The following LAMB4 variants were observed in gnomAD, a reference collection of about 807,000 sequenced individuals.
LAMB4 encodes laminin subunit beta-4.
Under a neutral mutation model 199.2 loss-of-function variants are expected in LAMB4, and 196 were observed. The observed-to-expected ratio is 0.98, with a 90% CI of 0.88 to 1.11. The LOEUF is 1.11. Ranked by LOEUF, LAMB4 falls within the 50% of genes least tolerant of loss-of-function variation. The pLI is 0.00. For synonymous variants in LAMB4, 744 were observed against 770.6 expected (o/e 0.97, Z 0.57); for missense variants, 2,080 against 2,171.2 (o/e 0.96, Z 0.83).
intron 10 of LAMB4, 94 bp from the exon 11 acceptor site, chr7:108,098,676 G>T: frequency 9.5e-7 from 1 of 1,048,816 alleles, no homozygotes; most frequent in Non-Finnish European, 1.3e-6. Context: ...TAACTATCTT[G>T]CTTTGTTTAA....
rs769709242 is a variant in LAMB4, at chr7:108,037,575, C to G, written c.4492G>C (p.Asp1498His). Reference sequence around the variant, plus strand: ...ACACCATTCGCAACCTTCTCGATGTCTTCTGGAGGCACGTTTTCCTCTTAA... The same window carrying G: ...ACACCATTCGCAACCTTCTCGATGTGTTCTGGAGGCACGTTTTCCTCTTAA... ...FLLEENVPPE[D>H]IEKVANGVLD... The change falls in exon 30 of 34, where the codon GAC becomes CAC. Residue 1498 changes from aspartate to histidine, a missense_variant. Physicochemically the swap from Asp to His is moderately conservative, Grantham distance 81. Coordinates refer to ENST00000388781, the MANE Select transcript of LAMB4 (RefSeq NM_007356.3). The G allele has an allele frequency of 2.1e-5, 34 of 1,614,060 alleles. 2 individuals are homozygous for G. The South Asian group carries it at 3.5e-4, about 17-fold the overall frequency.
chr7:108,120,288 A>C (rs7809669), intron 2 of LAMB4, among the ~76,000 whole-genome samples: 13,103 of 152,224 alleles, frequency 0.086, 1,828 homozygotes, highest in African/African-American at 0.29. Context: ...ATTGAAAAAA[A>C]CGTGTTATTT....
chr7:108,061,311 G>A (rs533737374), intron 23 of LAMB4, among the ~76,000 whole-genome samples: 1 of 152,286 alleles, frequency 6.6e-6, no homozygotes, highest in South Asian at 2.1e-4. Context: ...CAATATTCAT[G>A]CATAGTGACA....
chr7:108,030,984 T>C lies in LAMB4; in HGVS notation c.4819-5A>G. The C allele has an allele frequency of 6.2e-7, 1 of 1,612,180 alleles. No homozygotes were observed. Among genetic ancestry groups the C allele is most frequent in the Non-Finnish European group, 8.5e-7 (1 of 1,178,960 alleles). On this transcript the variant is annotated splice_polypyrimidine_tract_variant and splice_region_variant and intron_variant, in intron 31 of 33. Coordinates refer to ENST00000388781, the MANE Select transcript of LAMB4 (RefSeq NM_007356.3). Reference sequence around the variant, plus strand: ...TTCCCTGGTTTGATTTTCAGCCTGTTGTTGATTTAAAGACCAAAAAGGGAA... The same window carrying C: ...TTCCCTGGTTTGATTTTCAGCCTGTCGTTGATTTAAAGACCAAAAAGGGAA...
intron 1 of LAMB4, among the ~76,000 whole-genome samples, chr7:108,124,126 C>T (rs60243503): frequency 0.043 from 6,469 of 152,202 alleles, 182 homozygotes; most frequent in Admixed American, 0.062. Context: ...GCTGATTCTC[C>T]CACCTCAGCC....
chr7:108,126,216 T>C (rs2038772847), intron 1 of LAMB4, among the ~76,000 whole-genome samples: 1 of 152,198 alleles, frequency 6.6e-6, no homozygotes, highest in Non-Finnish European at 1.5e-5. Context: ...TTATTTTTAA[T>C]TGTGGTAGAA....
chr7:108,038,750 C>T (rs139065332), intron 29 of LAMB4, among the ~76,000 whole-genome samples: 100 of 152,162 alleles, frequency 6.6e-4, no homozygotes, highest in South Asian at 4.6e-3. Flanking sequence ...CCAGTGTGGC[C>T]CAGGGAAGCC....
chr7:108,109,197 A>T lies in LAMB4; in HGVS notation c.376T>A (p.Phe126Ile). Reference sequence around the variant, plus strand: ...TTAAAGGTCAGGATAAGGTGGCTGAACCGAAATAATGCCTCTAAGTCCAGT... The same window carrying T: ...TTAAAGGTCAGGATAAGGTGGCTGATCCGAAATAATGCCTCTAAGTCCAGT... ...IRLDLEALFR[F>I]SHLILTFKTF... The change falls in exon 5 of 34, where the codon TTC becomes ATC. Residue 126 changes from phenylalanine to isoleucine, a missense_variant. Transcript: ENST00000388781. The T allele has an allele frequency of 6.2e-7, 1 of 1,613,642 alleles. No homozygotes were observed. Among genetic ancestry groups the T allele is most frequent in the Non-Finnish European group, 8.5e-7 (1 of 1,179,678 alleles).
In LAMB4 at chr7:108,048,108, A is replaced by C; in HGVS notation, c.4126T>G (p.Cys1376Gly). 1 of 1,603,532 alleles carries C rather than the reference A, an allele frequency of 6.2e-7. No homozygotes were observed. Among genetic ancestry groups the C allele is most frequent in the Non-Finnish European group, 8.5e-7 (1 of 1,174,164 alleles). Reference sequence around the variant, plus strand: ...CATGGCACATTTCCTGGATCTCCGCACACCTTGCAAGAGAAATGATTTACG... The same window carrying C: ...CATGGCACATTTCCTGGATCTCCGCCCACCTTGCAAGAGAAATGATTTACG... The part of the protein sequence containing the change: ...PDIQILNEKV[C>G]GDPGNVPCVP... The change falls in exon 28 of 34, where the codon TGC becomes GGC. Residue 1376 changes from cysteine (C) to glycine (G), a missense_variant. Cys to Gly is a radical substitution (Grantham distance 159, BLOSUM62 -3). Transcript: ENST00000388781.
intron 30 of LAMB4, among the ~76,000 whole-genome samples, chr7:108,036,196 T>A (rs1442001590): frequency 6.7e-6 from 1 of 149,874 alleles, no homozygotes; most frequent in Non-Finnish European, 1.5e-5. Context: ...ATTACTTGAT[T>A]TTTTTTTTTT....
chr7:108,014,494 A>T, the LAMB4 span, among the ~76,000 whole-genome samples: 3 of 152,222 alleles, frequency 2.0e-5, no homozygotes, highest in African/African-American at 7.2e-5. Context: ...ATGTTTACAC[A>T]AATGTTTAAA....
chr7:108,123,809 T>G (rs1247032744), intron 1 of LAMB4, among the ~76,000 whole-genome samples: 2 of 152,228 alleles, frequency 1.3e-5, no homozygotes, highest in Admixed American at 6.5e-5. Flanking sequence ...GCACTTTTAA[T>G]TAGTGATATT....
chr7:108,054,662 A>T (rs1459780318), intron 25 of LAMB4, among the ~76,000 whole-genome samples: 1 of 152,118 alleles, frequency 6.6e-6, no homozygotes, highest in Non-Finnish European at 1.5e-5. Flanking sequence ...CTTAGGAATC[A>T]TAGCATCTCT....
intron 2 of LAMB4, among the ~76,000 whole-genome samples, chr7:108,118,327 T>C (rs922819080): frequency 2.0e-5 from 3 of 151,980 alleles, no homozygotes; most frequent in African/African-American, 7.3e-5. Context: ...GGCTAAAACA[T>C]TTTGAAAAAA....
At chr7:108,066,930 T>C (rs947526326) in intron 19 of LAMB4, among the ~76,000 whole-genome samples, 1 of 151,252 alleles carries the variant, frequency 6.6e-6, no homozygotes, top group Non-Finnish European at 1.5e-5. Context: ...TAATATAGTA[T>C]ATATAAATAC....
At chr7:108,106,156 G>C in intron 7 of LAMB4, 125 bp from the exon 8 acceptor site, 1 of 787,192 alleles carries the variant, frequency 1.3e-6, no homozygotes, top group Non-Finnish European at 2.0e-6. Context: ...AGTGGCTTGC[G>C]CCTGTAATCC....
chr7:108,036,211 C>T (rs1469325252), intron 30 of LAMB4, among the ~76,000 whole-genome samples: 2 of 144,754 alleles, frequency 1.4e-5, no homozygotes, highest in Non-Finnish European at 3.0e-5. Context: ...TTTTTTGAGA[C>T]GGAGTTTCGA....
chr7:108,030,590 G>C (rs2034992121), intron 32 of LAMB4, among the ~76,000 whole-genome samples: 1 of 152,160 alleles, frequency 6.6e-6, no homozygotes, highest in African/African-American at 2.4e-5. Flanking sequence ...TAGAGAGATG[G>C]GGGAGGAAAC....
intron 14 of LAMB4, among the ~76,000 whole-genome samples, chr7:108,086,486 A>G (rs1422563682): frequency 6.6e-6 from 1 of 152,210 alleles, no homozygotes; most frequent in African/African-American, 2.4e-5. Flanking sequence ...TCACAAAAAT[A>G]TGACTATTTT....
Sources: allele counts gnomAD v4.1 joint callset (sites outside exome capture counted in the v4.1 genomes callset), GRCh38; gene constraint gnomAD v4.1.1; transcripts MANE v1.5; gene names NCBI Gene and HGNC (gene_info 2026-07-23, HGNC 2026-07-21).